Variants in PIEZO1 observed in about 807,000 individuals in gnomAD.
PIEZO1 encodes the protein piezo-type mechanosensitive ion channel component 1.
Under a neutral mutation model 297.2 loss-of-function variants are expected in PIEZO1, and 296 were observed. The ratio of observed to expected loss-of-function variants is 1.00; its 90% CI spans 0.91 to 1.10. PIEZO1 has a LOEUF of 1.10. Among genes scored for constraint, PIEZO1 ranks in the 50% least tolerant of loss-of-function variants. PIEZO1 has a pLI of 0.00. For missense variants in PIEZO1, 5,018 were observed against 3,455.5 expected, an observed-to-expected ratio of 1.45 and a Z score of -11.34; for synonymous variants, 2,427 against 1,507.5, an observed-to-expected ratio of 1.61 and a Z score of -14.13.
chr16:88,734,352 G>A lies in PIEZO1; in HGVS notation c.2180+4C>T, dbSNP rs765434101. ...AGGGCCGGACAGGGAGGGCGGGGCC[G>A]CACCTGTGAGCCCAGCGCGGGAGGC... is the stretch of plus-strand genomic sequence containing the variant. On this transcript the variant is annotated splice_donor_region_variant and intron_variant, in intron 16 of 50. Transcript: ENST00000301015. 5.1e-5 allele frequency: 77 copies of A among 1,518,074 alleles called. No individual in the cohort carries two copies. The highest frequency in any genetic ancestry group is 3.9e-4 in the Middle Eastern group (2 of 5,170). The allele number at this position is 1,518,074 out of a possible 1,614,324, so 94.0% of individuals were successfully genotyped here. A position where few individuals can be genotyped will look rare whatever the true frequency, so the allele number is the denominator to read the frequency against.
Position 88,721,201 on chromosome 16 carries a change from T to C in PIEZO1, c.5633A>G (p.Lys1878Arg). 1 of 703,890 alleles carries C rather than the reference T, an allele frequency of 1.4e-6. No homozygotes were observed. 43.6% of individuals were successfully genotyped at this position (703,890 alleles called of 1,614,324 possible). ...CGCTCCTTTCCGTGCTGGGCCCTCC[T>C]TCTTCCTTCTTCTAAAACGTAGACT... is the stretch of plus-strand genomic sequence containing the variant. ...RISLRFRRRK[K>R]EGPARKGAAA... Residue 1878 changes from lysine to arginine, a missense_variant, in exon 39 of 51, where the codon AAG becomes AGG. Transcript: ENST00000301015.
chr16:88,719,392 C>T (rs536616822), intron 44 of PIEZO1, 182 bp downstream of exon 44: 128 of 612,612 alleles, frequency 2.1e-4, no homozygotes, highest in Non-Finnish European at 3.1e-4. Flanking sequence ...AGCACTCACT[C>T]GCAGCTGCCA....
intron 2 of PIEZO1, chr16:88,744,374 C>CGGGGCCTGCCCCACAGGCACGT (rs1036752029): frequency 6.6e-6 from 1 of 152,078 alleles, no homozygotes; most frequent in East Asian, 1.9e-4. Flanking sequence ...GAGGGACCTG[C>CGGGGCCTGCCCCACAGGCACGT]GGGGCCTGCC....
rs140418863 is a variant in PIEZO1, at chr16:88,717,704, A to G, written c.6472-493T>C. ...AAGACACCAAGAAAATTTAAGAGACAGTCCATAGAATTGGAGAAATTTTCT... is the reference window on the plus strand; with the variant it reads ...AAGACACCAAGAAAATTTAAGAGACGGTCCATAGAATTGGAGAAATTTTCT... On this transcript the variant is annotated intron_variant, in intron 44 of 50. Coordinates refer to ENST00000301015, the MANE Select transcript of PIEZO1 (RefSeq NM_001142864.4). 1,281 of 438,504 alleles carry G rather than the reference A, an allele frequency of 2.9e-3. 17 individuals are homozygous for G. Among genetic ancestry groups the G allele is most frequent in the African/African-American group, 0.016 (785 of 49,074 alleles). The allele number at this position is 438,504 out of a possible 1,614,324, so 27.2% of individuals were successfully genotyped here.
rs747286972 is a variant in PIEZO1 at position 88,715,586 on chromosome 16, C to A, written c.*19G>T. 16 of 1,545,792 alleles carry A rather than the reference C, an allele frequency of 1.0e-5. No individual in the cohort carries two copies. On this transcript the variant is annotated 3_prime_UTR_variant, in exon 51 of 51. Transcript: ENST00000301015. ...CCCAGCAGGCCGGCTCCTTCCCTCT[C>A]GGGCGCCAGCAGCAGCTCCTACTCC...
rs1341299317 is a variant in PIEZO1, at chr16:88,722,009, C to T, written c.5013G>A (p.Arg1671=). The stretch of plus-strand genomic sequence containing the variant: ...ACACGGCCCGCAGCAGCCGCAGCGC[C>T]CGGCCCTGCCCCTCCGCAAACAGCT... ...EAELFAEGQG[R]ALRLLRAVYQ... Residue 1671 remains arginine, a synonymous_variant, in exon 37 of 51, where the codon CGG becomes CGA. Transcript: ENST00000301015. The T allele has an allele frequency of 1.3e-6, 2 of 1,548,836 alleles. No individual in the cohort carries two copies.
intron 1 of PIEZO1, among the ~76,000 whole-genome samples, chr16:88,768,939 G>T (rs1394473920): frequency 6.6e-6 from 1 of 152,200 alleles, no homozygotes; most frequent in Non-Finnish European, 1.5e-5. Context: ...AAGCAAGCTG[G>T]GCCTCAGTTT....
In PIEZO1 at chr16:88,736,727, C is replaced by A. The variant is rs569576587; in HGVS notation, c.1208G>T (p.Arg403Leu). The part of the protein sequence containing the change: ...SVLRRPVRPK[R>L]AEPREASPLH... The stretch of plus-strand genomic sequence containing the variant: ...CGGAGACGCCTCCCTGGGCTCAGCC[C>A]GCTTGGGCCGCACTGCAGGTGGGGA... The change falls in exon 11 of 51, where the codon CGG becomes CTG. Residue 403 changes from arginine (R) to leucine (L), a missense_variant. Physicochemically the swap from Arg to Leu is moderately radical, Grantham distance 102. Transcript: ENST00000301015. 76 of 1,529,928 alleles carry A rather than the reference C, an allele frequency of 5.0e-5. 2 individuals are homozygous for A. The South Asian group carries it at 6.7e-4, about 13-fold the overall frequency. The allele number at this position is 1,529,928 out of a possible 1,614,324, so 94.8% of individuals were successfully genotyped here. A position where few individuals can be genotyped will look rare whatever the true frequency, so the allele number is the denominator to read the frequency against.
chr16:88,765,276 AG>A (rs1176880121), intron 1 of PIEZO1, among the ~76,000 whole-genome samples: 2 of 152,148 alleles, frequency 1.3e-5, no homozygotes, highest in Non-Finnish European at 2.9e-5. Flanking sequence ...CAGCCTGGAG[AG>A]GGGGTGTCAC....
Position 88,735,049 on chromosome 16 carries a change from G to C in PIEZO1, c.1674C>G (p.Pro558=). 2 of 1,550,328 alleles carry C rather than the reference G, an allele frequency of 1.3e-6. No individual in the cohort carries two copies. The highest frequency in any genetic ancestry group is 1.7e-6 in the Non-Finnish European group (2 of 1,146,916). Residue 558 remains proline, a synonymous_variant, in exon 14 of 51, where the codon CCC becomes CCG. Transcript: ENST00000301015. ...LTEVTVADTE[P]TRTQTLLQSL... The stretch of plus-strand genomic sequence containing the variant: ...TCTGCAACAGCGTCTGCGTCCGCGT[G>C]GGCTCTGTGGGCCAAGCCAGGGGCA...
intron 1 of PIEZO1, among the ~76,000 whole-genome samples, chr16:88,772,505 G>A (rs1421629672): frequency 6.6e-6 from 1 of 152,220 alleles, no homozygotes; most frequent in Non-Finnish European, 1.5e-5. Flanking sequence ...GCCTGGCAGG[G>A]CACAGTGGCT....
Position 88,726,756 on chromosome 16 carries a change from G to A in PIEZO1, c.3658C>T (p.Leu1220=). The change falls in exon 25 of 51, where the codon CTG becomes TTG. Residue 1220 remains leucine (L), a synonymous_variant. Transcript: ENST00000301015. ...GAGATGATGACGGTGACGTTGTACA[G>A]AATGAGGCAGTCCCACAGCACGAGG... is the stretch of plus-strand genomic sequence containing the variant. ...ARLVLWDCLI[L]YNVTVIISKN... is the part of the protein sequence containing the mutation. The A allele has an allele frequency of 6.5e-7, 1 of 1,550,168 alleles. No homozygotes were observed. The highest frequency in any genetic ancestry group is 8.7e-7 in the Non-Finnish European group (1 of 1,146,846).
At chr16:88,771,157 G>A (rs547103231) in intron 1 of PIEZO1, among the ~76,000 whole-genome samples, 36 of 152,302 alleles carry the variant, frequency 2.4e-4, no homozygotes, top group African/African-American at 6.3e-4. Context: ...AAAATCAACC[G>A]TGCGAAAGGC....
chr16:88,770,353 C>G (rs1450821647), intron 1 of PIEZO1, among the ~76,000 whole-genome samples: 1 of 152,218 alleles, frequency 6.6e-6, no homozygotes, highest in Admixed American at 6.5e-5. Context: ...GCATCACTTT[C>G]TGGCTATGGA....
At position 88,721,811 on chromosome 16, in the gene PIEZO1, G is replaced by T. The variant is rs936403440; in HGVS notation, c.5211C>A (p.Thr1737=). The T allele has an allele frequency of 5.8e-6, 9 of 1,543,320 alleles. No individual in the cohort carries two copies. In the Admixed American group the frequency reaches 1.2e-4, roughly 20 times the overall value. The change falls in exon 37 of 51, where the codon ACC becomes ACA. Residue 1737 remains threonine (T), a synonymous_variant. Coordinates refer to ENST00000301015, the MANE Select transcript of PIEZO1 (RefSeq NM_001142864.4). Reference sequence around the variant, plus strand: ...CTCCCCCGCGGCCTCGGCCCACCTCGGTGAAGACGATGGCCGTCATCCAGA... The same window carrying T: ...CTCCCCCGCGGCCTCGGCCCACCTCTGTGAAGACGATGGCCGTCATCCAGA... ...KRFWMTAIVF[T]EIAVVVKYLF...
intron 1 of PIEZO1, among the ~76,000 whole-genome samples, chr16:88,765,970 G>A (rs139807822): frequency 6.6e-6 from 1 of 152,134 alleles, no homozygotes; most frequent in East Asian, 1.9e-4. Context: ...ACTGCACCCG[G>A]CCGCTATCTC....
chr16:88,776,211 G>T (rs556994295), intron 1 of PIEZO1, among the ~76,000 whole-genome samples: 1 of 152,244 alleles, frequency 6.6e-6, no homozygotes, highest in Non-Finnish European at 1.5e-5. Flanking sequence ...GAGGCGGGTG[G>T]ATCATGAGGT....
At chr16:88,749,195 G>C (rs55919841) in intron 2 of PIEZO1, among the ~76,000 whole-genome samples, 189 bp downstream of exon 2, 18 of 151,786 alleles carry the variant, frequency 1.2e-4, no homozygotes, top group East Asian at 3.9e-4. Flanking sequence ...AGCAGAGATC[G>C]CGCCACTGCA....
chr16:88,724,022 G>C (rs986213353), intron 30 of PIEZO1, 51 bp from the exon 31 acceptor site: 3 of 1,139,754 alleles, frequency 2.6e-6, no homozygotes, highest in Non-Finnish European at 2.6e-6. Flanking sequence ...GAGACTCCCA[G>C]CCAGACCCCC....
Sources: allele counts gnomAD v4.1 joint callset (sites outside exome capture counted in the v4.1 genomes callset), GRCh38; gene constraint gnomAD v4.1.1; transcripts MANE v1.5; gene names NCBI Gene and HGNC (gene_info 2026-07-23, HGNC 2026-07-21).